MLLT3: variants seen among roughly 807,000 people sequenced by gnomAD.
MLLT3 encodes protein AF-9.
In MLLT3, 4 loss-of-function variants were observed where a neutral mutation model predicts 53.2. The ratio of observed to expected loss-of-function variants is 0.08; its 90% CI spans 0.04 to 0.17. The LOEUF (loss-of-function observed/expected upper bound fraction) is 0.17. Among genes scored for constraint, MLLT3 ranks in the 10% least tolerant of loss-of-function variants. MLLT3 has a pLI of 1.00. For synonymous variants in MLLT3, 283 were observed against 230.6 expected (o/e 1.23, Z -2.06); for missense variants, 569 against 684.0 (o/e 0.83, Z 1.87).
chr9:20,478,425 C>T lies in MLLT3; in HGVS notation c.194-21639G>A, dbSNP rs918759667. Among the ~76,000 whole-genome samples the T allele has an allele frequency of 9.2e-5, 14 of 152,180 alleles. No homozygotes were observed. The East Asian group carries it at 1.7e-3, about 19-fold the overall frequency. On this transcript the variant is annotated intron_variant, in intron 2 of 10. Transcript: ENST00000380338. ...AGAAGAGATGCTCACTAACCACAGACGGACTGACTAACATGCCTCTTGAAA... is the reference window on the plus strand; with the variant it reads ...AGAAGAGATGCTCACTAACCACAGATGGACTGACTAACATGCCTCTTGAAA...
At chr9:20,395,451 A>G (rs970046604) in intron 5 of MLLT3, among the ~76,000 whole-genome samples, 4 of 152,172 alleles carry the variant, frequency 2.6e-5, no homozygotes, top group Non-Finnish European at 4.4e-5. Context: ...AAATTAATAG[A>G]TCTGATGCCA....
intron 2 of MLLT3, among the ~76,000 whole-genome samples, chr9:20,618,680 G>T (rs1157263151): frequency 6.6e-6 from 1 of 152,186 alleles, no homozygotes; most frequent in East Asian, 1.9e-4. Flanking sequence ...CTATCAAGCA[G>T]CTTACCACGC....
intron 3 of MLLT3, among the ~76,000 whole-genome samples, chr9:20,454,670 G>C (rs772142877): frequency 1.3e-5 from 2 of 152,128 alleles, no homozygotes; most frequent in Non-Finnish European, 2.9e-5. Context: ...CCGATCCCTA[G>C]ATGAAATTAA....
intron 2 of MLLT3, among the ~76,000 whole-genome samples, chr9:20,481,111 T>C (rs973341817): frequency 6.6e-6 from 1 of 152,068 alleles, no homozygotes; most frequent in Non-Finnish European, 1.5e-5. Context: ...GAACCTCAAG[T>C]AAAAGAGAAA....
chr9:20,346,788 T>C (rs1345083475), intron 10 of MLLT3, among the ~76,000 whole-genome samples: 1 of 152,166 alleles, frequency 6.6e-6, no homozygotes, highest in Non-Finnish European at 1.5e-5. Context: ...TGAGAACCTG[T>C]CTTGCTTTTC....
At chr9:20,538,990 C>T (rs957049302) in intron 2 of MLLT3, among the ~76,000 whole-genome samples, 1 of 152,186 alleles carries the variant, frequency 6.6e-6, no homozygotes, top group Non-Finnish European at 1.5e-5. Context: ...AAAAAAAATG[C>T]TAACAATCAC....
chr9:20,511,979 T>C (rs747375492), intron 2 of MLLT3, among the ~76,000 whole-genome samples: 2 of 152,034 alleles, frequency 1.3e-5, no homozygotes, highest in Admixed American at 6.6e-5. Context: ...AGCCCATCCC[T>C]GAGTAGGAGA....
At chr9:20,441,383 T>G (rs569083292) in intron 4 of MLLT3, among the ~76,000 whole-genome samples, 1 of 152,302 alleles carries the variant, frequency 6.6e-6, no homozygotes, top group South Asian at 2.1e-4. Context: ...ATGCTTTCCC[T>G]GAAATAATTT....
chr9:20,349,377 G>A (rs758889286), intron 10 of MLLT3, among the ~76,000 whole-genome samples: 1 of 152,048 alleles, frequency 6.6e-6, no homozygotes, highest in African/African-American at 2.4e-5. Context: ...CTTATAAACT[G>A]ATCCTTAATT....
intron 2 of MLLT3, among the ~76,000 whole-genome samples, chr9:20,475,269 T>C (rs757359844): frequency 2.0e-5 from 3 of 152,082 alleles, no homozygotes; most frequent in Non-Finnish European, 2.9e-5. Context: ...AGTAAATTTC[T>C]ACAATGTGAA....
At position 20,448,071 on chromosome 9, in the gene MLLT3, TG is replaced by T. The variant is rs1298352416; in HGVS notation, c.420+51del. On this transcript the variant is annotated intron_variant, in intron 4 of 10. Transcript: ENST00000380338. The surrounding 1 kb of genome is among the most constrained non-coding windows in gnomAD (Gnocchi z 4.0). ...GAACTAGTTTGTTTGTTTTTTTTTT[TG>T]TTGTTGTTGTTTTTTAATAGGAATG... 31 of 1,481,676 alleles carry T rather than the reference TG, an allele frequency of 2.1e-5. No individual in the cohort carries two copies. The highest frequency in any genetic ancestry group is 1.4e-4 in the East Asian group (6 of 43,430). 91.8% of individuals were successfully genotyped at this position (1,481,676 alleles called of 1,614,324 possible).
intron 2 of MLLT3, among the ~76,000 whole-genome samples, chr9:20,524,945 G>C (rs1383286893): frequency 2.0e-5 from 3 of 152,032 alleles, no homozygotes; most frequent in Non-Finnish European, 4.4e-5. Context: ...CAGGAACCCT[G>C]TCAGGCTACA....
intron 5 of MLLT3, among the ~76,000 whole-genome samples, chr9:20,401,666 T>C (rs895596353): frequency 9.9e-5 from 15 of 152,094 alleles, no homozygotes; most frequent in African/African-American, 3.6e-4. Context: ...TACCAGTGAG[T>C]CAGCTTCTTT....
intron 4 of MLLT3, among the ~76,000 whole-genome samples, chr9:20,430,633 A>G (rs1016396961): frequency 4.6e-5 from 7 of 152,166 alleles, no homozygotes; most frequent in Admixed American, 3.3e-4. Flanking sequence ...AAATATTTCA[A>G]TGTTAGACAA....
chr9:20,544,355 G>T (rs1325523152), intron 2 of MLLT3, among the ~76,000 whole-genome samples: 6 of 152,122 alleles, frequency 3.9e-5, no homozygotes, highest in African/African-American at 1.4e-4. Context: ...GAAAAAAAAT[G>T]AAATGAAAAG....
intron 2 of MLLT3, among the ~76,000 whole-genome samples, chr9:20,492,502 G>C (rs1184970936): frequency 6.6e-6 from 1 of 151,810 alleles, no homozygotes; most frequent in Non-Finnish European, 1.5e-5. Flanking sequence ...ATAATTTCTT[G>C]AAAATATAGT....
chr9:20,528,489 G>A (rs1818255364), intron 2 of MLLT3, among the ~76,000 whole-genome samples: 1 of 152,234 alleles, frequency 6.6e-6, no homozygotes, highest in African/African-American at 2.4e-5. Flanking sequence ...CTGGAGGCGA[G>A]TAGCTCACAA....
chr9:20,449,786 A>G (rs951299105), intron 3 of MLLT3, among the ~76,000 whole-genome samples: 2 of 152,084 alleles, frequency 1.3e-5, no homozygotes, highest in African/African-American at 4.8e-5. Flanking sequence ...TCTTATCAGG[A>G]TGCCATTCTC....
intron 2 of MLLT3, among the ~76,000 whole-genome samples, chr9:20,467,519 T>G (rs1358943830): frequency 6.6e-6 from 1 of 152,120 alleles, no homozygotes; most frequent in African/African-American, 2.4e-5. Flanking sequence ...CGGAGGCTGC[T>G]GTGAGCCGAG....
Sources: gnomAD v4.1 joint callset for allele counts (sites outside exome capture counted in the v4.1 genomes callset) on GRCh38, gnomAD v4.1.1 for gene constraint, Gnocchi (gnomAD v3.1) non-coding constraint, MANE v1.5 for transcripts, NCBI Gene and HGNC (gene_info 2026-07-23, HGNC 2026-07-21) for gene names.